Variants in CNTN5 observed in about 807,000 individuals in gnomAD.
CNTN5 encodes contactin-5.
A neutral mutation model predicts 129.1 loss-of-function variants in CNTN5; 77 were observed. The ratio of observed to expected loss-of-function variants is 0.60; its 90% CI spans 0.50 to 0.72. The LOEUF (loss-of-function observed/expected upper bound fraction) is 0.72. Ranked by LOEUF, CNTN5 falls within the 30% of genes least tolerant of loss-of-function variation. CNTN5 has a pLI of 0.00. For missense variants in CNTN5, 1,478 were observed against 1,328.8 expected, an observed-to-expected ratio of 1.11 and a Z score of -1.75; for synonymous variants, 509 against 465.6, an observed-to-expected ratio of 1.09 and a Z score of -1.20.
At chr11:99,276,231 A>T (rs1489737073) in intron 1 of CNTN5, among the ~76,000 whole-genome samples, 1 of 151,752 alleles carries the variant, frequency 6.6e-6, no homozygotes, top group Admixed American at 6.6e-5. Flanking sequence ...TTCAGTTGAA[A>T]TGTCTTTACT....
At chr11:99,684,977 TTTA>T (rs552586693) in intron 3 of CNTN5, among the ~76,000 whole-genome samples, 154 of 151,166 alleles carry the variant, frequency 1.0e-3, no homozygotes, top group Non-Finnish European at 1.4e-3. Context: ...TATTTTTTAG[TTTA>T]TTATTTTTGT....
At chr11:99,728,416 C>G (rs1943423185) in intron 3 of CNTN5, among the ~76,000 whole-genome samples, 1 of 152,064 alleles carries the variant, frequency 6.6e-6, no homozygotes, top group African/African-American at 2.4e-5. Flanking sequence ...TAAACGGTAA[C>G]AAAGACAAGA....
chr11:100,028,381 T>A (rs1305497877), intron 9 of CNTN5, among the ~76,000 whole-genome samples: 1 of 152,204 alleles, frequency 6.6e-6, no homozygotes, highest in Non-Finnish European at 1.5e-5. Flanking sequence ...GAACTGCATT[T>A]TCAAAATTAG....
chr11:99,093,836 C>A (rs1866356171), intron 1 of CNTN5, among the ~76,000 whole-genome samples: 1 of 151,834 alleles, frequency 6.6e-6, no homozygotes, highest in Non-Finnish European at 1.5e-5. Flanking sequence ...TATGAGGAAC[C>A]CCAGGCTCAG....
chr11:99,720,642 A>G (rs1943141536), intron 3 of CNTN5, among the ~76,000 whole-genome samples: 1 of 152,106 alleles, frequency 6.6e-6, no homozygotes, highest in African/African-American at 2.4e-5. Flanking sequence ...AGTATTGGAC[A>G]TCCTAGACAG....
At chr11:99,904,501 A>G (rs1007518803) in intron 6 of CNTN5, among the ~76,000 whole-genome samples, 1 of 152,108 alleles carries the variant, frequency 6.6e-6, no homozygotes, top group South Asian at 2.1e-4. Context: ...ATAGTATTCC[A>G]TGGGGTATAT....
rs977368026 is a variant in CNTN5 at position 99,504,729 on chromosome 11, A to G, written c.-70-51416A>G. 7.2e-5 allele frequency among the ~76,000 whole-genome samples: 11 copies of G among 152,176 alleles called. No homozygotes were observed. The East Asian group carries it at 7.7e-4, about 11-fold the overall frequency. ...TTAGAAAGTCGTTCTTCAAGCTCCA[A>G]ATGAAAGATTCTTCACTCTTTGAAA... is the stretch of plus-strand genomic sequence containing the variant. On this transcript the variant is annotated intron_variant, in intron 2 of 24. Transcript: ENST00000524871.
intron 3 of CNTN5, among the ~76,000 whole-genome samples, chr11:99,585,327 A>G (rs1301882182): frequency 1.3e-5 from 2 of 152,182 alleles, no homozygotes; most frequent in African/African-American, 4.8e-5. Context: ...GTGTGAGAGC[A>G]GGGTTTTCTT....
At chr11:99,826,242 T>C (rs552632026) in intron 4 of CNTN5, among the ~76,000 whole-genome samples, 1 of 152,314 alleles carries the variant, frequency 6.6e-6, no homozygotes, top group South Asian at 2.1e-4. Flanking sequence ...TTATTATGTC[T>C]TATAATGTCT....
chr11:100,307,445 G>T (rs1055831161), intron 20 of CNTN5, among the ~76,000 whole-genome samples: 1 of 151,372 alleles, frequency 6.6e-6, no homozygotes, highest in African/African-American at 2.4e-5. Context: ...GAAATATTTT[G>T]TTCCTCACAT....
intron 3 of CNTN5, among the ~76,000 whole-genome samples, chr11:99,689,451 C>T (rs1049591329): frequency 1.7e-4 from 22 of 130,638 alleles, no homozygotes; most frequent in East Asian, 5.2e-4. Context: ...AGCGTGAACC[C>T]GGGAGGTGGA....
intron 13 of CNTN5, among the ~76,000 whole-genome samples, chr11:100,167,019 T>G (rs1947659312): frequency 6.6e-6 from 1 of 151,718 alleles, no homozygotes; most frequent in South Asian, 2.1e-4. Context: ...AAGTGTCTTA[T>G]TTCCTAGTTT....
intron 9 of CNTN5, among the ~76,000 whole-genome samples, chr11:100,051,285 G>A (rs1419811277): frequency 5.3e-5 from 8 of 151,954 alleles, no homozygotes; most frequent in African/African-American, 9.7e-5. Flanking sequence ...GACTAAAAAC[G>A]AAGAGCGTAT....
intron 3 of CNTN5, among the ~76,000 whole-genome samples, chr11:99,723,008 T>TC (rs1301888485): frequency 2.0e-5 from 3 of 152,084 alleles, no homozygotes; most frequent in African/African-American, 7.2e-5. Context: ...TATTTTTTTT[T>TC]CAGCTCATGC....
intron 7 of CNTN5, among the ~76,000 whole-genome samples, chr11:99,923,595 A>G (rs1253766595): frequency 6.6e-6 from 1 of 152,198 alleles, no homozygotes; most frequent in East Asian, 1.9e-4. Flanking sequence ...ATACCCAGTA[A>G]TGGGATTGCT....
At chr11:99,440,302 C>T (rs889077940) in intron 2 of CNTN5, among the ~76,000 whole-genome samples, 1 of 152,032 alleles carries the variant, frequency 6.6e-6, no homozygotes, top group Non-Finnish European at 1.5e-5. Flanking sequence ...ACTTCTTGTA[C>T]ACCTAAAATG....
intron 8 of CNTN5, among the ~76,000 whole-genome samples, chr11:99,985,880 T>G (rs569081760): frequency 9.8e-5 from 15 of 152,290 alleles, no homozygotes; most frequent in African/African-American, 3.6e-4. Flanking sequence ...GACTTCTCAG[T>G]TTCTTTACCT....
intron 2 of CNTN5, among the ~76,000 whole-genome samples, chr11:99,550,803 T>TC (rs1285495607): frequency 6.6e-6 from 1 of 152,180 alleles, no homozygotes; most frequent in East Asian, 1.9e-4. Flanking sequence ...TGCCACTTTT[T>TC]CAGTCACATA....
intron 2 of CNTN5, among the ~76,000 whole-genome samples, chr11:99,339,740 C>T (rs1866421834): frequency 6.6e-6 from 1 of 151,290 alleles, no homozygotes; most frequent in Non-Finnish European, 1.5e-5. Flanking sequence ...TGAGATTGCG[C>T]CACCGCACTC....
Sources: gnomAD v4.1 joint callset for allele counts (sites outside exome capture counted in the v4.1 genomes callset) on GRCh38, gnomAD v4.1.1 for gene constraint, MANE v1.5 for transcripts, NCBI Gene and HGNC (gene_info 2026-07-23, HGNC 2026-07-21) for gene names.